TIAM2: variants seen among roughly 807,000 people sequenced by gnomAD.
TIAM2 encodes TIAM Rac1 associated GEF 2.
TIAM2 carries 80 observed loss-of-function variants against 152.9 expected under a neutral mutation model. The ratio of observed to expected loss-of-function variants is 0.52; its 90% CI spans 0.44 to 0.63. TIAM2 has a LOEUF of 0.63. Ranked by LOEUF, TIAM2 falls within the 30% of genes least tolerant of loss-of-function variation. The pLI, the probability that TIAM2 is intolerant of heterozygous loss-of-function variation, is 0.00. For missense variants in TIAM2, 1,965 were observed against 2,120.1 expected (o/e 0.93, Z 1.44); for synonymous variants, 804 against 838.0 (o/e 0.96, Z 0.70).
At chr6:155,033,444 T>C (rs991168498) in intron 1 of TIAM2, among the ~76,000 whole-genome samples, 4 of 152,312 alleles carry the variant, frequency 2.6e-5, no homozygotes, top group Non-Finnish European at 4.4e-5. Flanking sequence ...TCCCTAATCT[T>C]GTAGTTGATA....
In TIAM2 at chr6:155,025,981, A is replaced by G. The variant is rs376307864; in HGVS notation, c.-209+30489A>G. Among the ~76,000 whole-genome samples the G allele has an allele frequency of 1.3e-4, 19 of 151,842 alleles. 2 individuals are homozygous for G. In the East Asian group the frequency reaches 1.7e-3, roughly 14 times the overall value. On this transcript the variant is annotated intron_variant, in intron 1 of 26. Transcript: ENST00000682666. ...GTTGTGGGGTCTCAGAACATGGAAC[A>G]CCCGCTAGTCTACACATCTCACAAA...
intron 2 of TIAM2, among the ~76,000 whole-genome samples, chr6:155,101,368 C>A (rs1340059701): frequency 6.6e-6 from 1 of 152,148 alleles, no homozygotes; most frequent in Non-Finnish European, 1.5e-5. Context: ...TGGGGAAGCC[C>A]TCTTCAGCAC....
intron 7 of TIAM2, among the ~76,000 whole-genome samples, chr6:155,149,617 G>A (rs968628989): frequency 1.3e-5 from 2 of 152,096 alleles, no homozygotes; most frequent in African/African-American, 2.4e-5. Flanking sequence ...TTTCATCTGT[G>A]TATATATGAA....
At chr6:155,235,025 G>C (rs962513861) in intron 15 of TIAM2, among the ~76,000 whole-genome samples, 5 of 151,650 alleles carry the variant, frequency 3.3e-5, no homozygotes, top group African/African-American at 1.2e-4. Flanking sequence ...GCTAGAGACA[G>C]AGCACAGCTA....
chr6:155,130,742 G>A (rs2115039106), intron 4 of TIAM2, among the ~76,000 whole-genome samples: 1 of 152,274 alleles, frequency 6.6e-6, no homozygotes, highest in Admixed American at 6.5e-5. Flanking sequence ...AGAGGTCAGA[G>A]TGCCAGTGTG....
chr6:155,229,554 T>C (rs1366838883), intron 15 of TIAM2, among the ~76,000 whole-genome samples: 2 of 152,244 alleles, frequency 1.3e-5, no homozygotes, highest in Admixed American at 1.3e-4. Flanking sequence ...AAGAAAGGTT[T>C]GTTATAACTC....
Position 154,999,489 on chromosome 6 carries a change from G to A in TIAM2, c.-209+3997G>A, listed in dbSNP as rs773875950. Among the ~76,000 whole-genome samples, 105 of 152,080 alleles carry A rather than the reference G, an allele frequency of 6.9e-4. 1 individual carries two copies. Among genetic ancestry groups the A allele is most frequent in the Non-Finnish European group, 6.9e-4 (47 of 68,028 alleles). On this transcript the variant is annotated intron_variant, in intron 1 of 26. Transcript: ENST00000682666. ...CCCAAAGTGCTGGGATTACAGGCGT[G>A]AGCCACCGCTCCTGGCCAGGAAAAA...
intron 1 of TIAM2, among the ~76,000 whole-genome samples, chr6:155,081,304 C>G (rs1167353992): frequency 6.6e-6 from 1 of 151,874 alleles, no homozygotes; most frequent in Non-Finnish European, 1.5e-5. Context: ...TTCACTCATT[C>G]CCCCCGCCCA....
chr6:155,070,284 G>A (rs1446620504), intron 1 of TIAM2, among the ~76,000 whole-genome samples: 1 of 137,998 alleles, frequency 7.2e-6, no homozygotes. Flanking sequence ...ACAGTGGGGC[G>A]ATCTCGGCTC....
chr6:155,181,917 TC>T (rs1562345022), intron 12 of TIAM2, among the ~76,000 whole-genome samples: 1 of 152,234 alleles, frequency 6.6e-6, no homozygotes, highest in Non-Finnish European at 1.5e-5. Context: ...TGCTTATCCA[TC>T]CGTCTATTGA....
chr6:155,076,143 G>C (rs1450693753), intron 1 of TIAM2, among the ~76,000 whole-genome samples: 1 of 152,124 alleles, frequency 6.6e-6, no homozygotes, highest in Non-Finnish European at 1.5e-5. Context: ...TGCTCAAAAA[G>C]TTTCAGATCC....
chr6:155,107,694 G>A (rs1008055381), intron 2 of TIAM2, among the ~76,000 whole-genome samples: 3 of 152,118 alleles, frequency 2.0e-5, no homozygotes, highest in Non-Finnish European at 2.9e-5. Context: ...GTTTAGTATC[G>A]TTTGTCTTTT....
intron 1 of TIAM2, among the ~76,000 whole-genome samples, chr6:155,019,935 C>T (rs1456887951): frequency 1.3e-5 from 2 of 152,120 alleles, no homozygotes; most frequent in African/African-American, 2.4e-5. Context: ...CGCCTGTAGT[C>T]CCGGCTACTT....
chr6:155,075,349 G>GA (rs1196110493), intron 1 of TIAM2, among the ~76,000 whole-genome samples: 370 of 136,930 alleles, frequency 2.7e-3, no homozygotes, highest in South Asian at 0.02. Context: ...ACTTGGGAAT[G>GA]AAAAAAAAAA....
rs930453339 is a variant in TIAM2, at chr6:155,143,647, G to A, written c.1631-959G>A. Among the ~76,000 whole-genome samples, 8 of 152,276 alleles carry A rather than the reference G, an allele frequency of 5.3e-5. No individual in the cohort carries two copies. The East Asian group carries it at 9.6e-4, about 18-fold the overall frequency. On this transcript the variant is annotated intron_variant, in intron 5 of 26. Transcript: ENST00000682666. The stretch of plus-strand genomic sequence containing the variant: ...TTTCTTGTTCCCATTGATGGTCAAC[G>A]GAGTGAGTGAGTGTGGGATTTTCTG...
chr6:155,004,539 C>T (rs994853787), intron 1 of TIAM2, among the ~76,000 whole-genome samples: 3 of 151,954 alleles, frequency 2.0e-5, no homozygotes, highest in Admixed American at 1.3e-4. Context: ...TTGTTACAGG[C>T]GCCCGCCACT....
rs1778511087 is a variant in TIAM2, at chr6:155,099,712, T to C, written c.-118+9333T>C. Among the ~76,000 whole-genome samples, 3 of 152,230 alleles carry C rather than the reference T, an allele frequency of 2.0e-5. No homozygotes were observed. The South Asian group carries it at 6.2e-4, about 31-fold the overall frequency. On this transcript the variant is annotated intron_variant, in intron 2 of 26. Transcript: ENST00000682666. ...ATTTGTTTGTTATATTTAGGATTTG[T>C]CTGGGTTTATCTGAATCAGTTAATA...
At chr6:155,189,928 G>T (rs1425842478) in intron 14 of TIAM2, among the ~76,000 whole-genome samples, 2 of 152,242 alleles carry the variant, frequency 1.3e-5, no homozygotes, top group South Asian at 2.1e-4. Flanking sequence ...TGTGGTGGGG[G>T]GATTTGGTGG....
chr6:155,176,732 G>A lies in TIAM2; in HGVS notation c.2362-84G>A, dbSNP rs1302817509. The stretch of plus-strand genomic sequence containing the variant: ...TGTGAGCGTTTACTCTAAATACTCC[G>A]TAAATGAACAGGACATTTGGCCGGT... On this transcript the variant is annotated intron_variant, in intron 9 of 26. Transcript: ENST00000682666. The A allele has an allele frequency of 6.2e-6, 9 of 1,461,510 alleles. No homozygotes were observed. The Admixed American group carries it at 7.4e-5, about 12-fold the overall frequency. The allele number at this position is 1,461,510 out of a possible 1,614,324, so 90.5% of individuals were successfully genotyped here.
Sources: allele counts gnomAD v4.1 joint callset (sites outside exome capture counted in the v4.1 genomes callset), GRCh38; gene constraint gnomAD v4.1.1; transcripts MANE v1.5; gene names NCBI Gene and HGNC (gene_info 2026-07-23, HGNC 2026-07-21).